The following NLGN1 variants were observed in gnomAD, a reference collection of about 807,000 sequenced individuals.
NLGN1 encodes neuroligin 1.
In NLGN1, 12 loss-of-function variants were observed where a neutral mutation model predicts 65.5. That is an observed-to-expected ratio of 0.18 (90% CI 0.12 to 0.30). NLGN1 has a LOEUF of 0.30. Ranked by LOEUF, NLGN1 falls within the 10% of genes least tolerant of loss-of-function variation. NLGN1 has a pLI of 1.00. For missense variants in NLGN1, 750 were observed against 1,007.1 expected (o/e 0.74, Z 3.46); for synonymous variants, 350 against 359.5 (o/e 0.97, Z 0.30).
At chr3:173,509,695 A>G (rs1286448868) in intron 2 of NLGN1, among the ~76,000 whole-genome samples, 1 of 152,214 alleles carries the variant, frequency 6.6e-6, no homozygotes, top group African/African-American at 2.4e-5. Flanking sequence ...CTAGCAAACA[A>G]TAAGTCAGGA....
intron 4 of NLGN1, among the ~76,000 whole-genome samples, chr3:173,814,746 A>G (rs115205537): frequency 0.011 from 1,673 of 152,320 alleles, 22 homozygotes; most frequent in African/African-American, 0.039. Flanking sequence ...ATTGTGAAAA[A>G]TAAGATATAT....
intron 4 of NLGN1, chr3:173,910,756 A>C (rs889633304): frequency 6.6e-6 from 1 of 152,210 alleles, no homozygotes; most frequent in Non-Finnish European, 1.5e-5. Context: ...AAAAATCTCC[A>C]TTTGGAGTGA....
intron 1 of NLGN1, among the ~76,000 whole-genome samples, chr3:173,429,537 T>G (rs1372075413): frequency 2.0e-5 from 3 of 152,164 alleles, no homozygotes; most frequent in Admixed American, 1.3e-4. Flanking sequence ...GCTACCTGTT[T>G]GCTTTTGTTT....
At chr3:173,523,355 C>A (rs762208037) in intron 2 of NLGN1, among the ~76,000 whole-genome samples, 8 of 151,448 alleles carry the variant, frequency 5.3e-5, no homozygotes, top group Admixed American at 6.6e-5. Context: ...AAGAGTTTTC[C>A]GAGCTTTTCT....
chr3:173,947,554 C>T (rs1747429398), intron 4 of NLGN1, among the ~76,000 whole-genome samples: 1 of 152,166 alleles, frequency 6.6e-6, no homozygotes, highest in African/African-American at 2.4e-5. Context: ...ACGCTTTTCT[C>T]ATAACGTGCT....
At position 173,587,199 on chromosome 3, in the gene NLGN1, A is replaced by G. The variant is rs574476753; in HGVS notation, c.-320-17080A>G. On this transcript the variant is annotated intron_variant, in intron 2 of 6. Coordinates refer to ENST00000457714, the Ensembl canonical transcript of NLGN1. ...TGCCTTTGTAGTGCCTGGAAAATAC[A>G]TTTCTGTCAGAATAAACAATACTTT... Among the ~76,000 whole-genome samples the G allele has an allele frequency of 1.3e-4, 20 of 152,300 alleles. No homozygotes were observed. In the South Asian group the frequency reaches 3.7e-3, roughly 28 times the overall value.
intron 4 of NLGN1, among the ~76,000 whole-genome samples, chr3:174,174,109 G>C (rs889134796): frequency 2.0e-5 from 3 of 151,850 alleles, no homozygotes; most frequent in Non-Finnish European, 4.4e-5. Flanking sequence ...ACTTCACTTA[G>C]AATAATAGTC....
intron 2 of NLGN1, among the ~76,000 whole-genome samples, chr3:173,563,143 C>G (rs775743914): frequency 3.3e-5 from 5 of 152,160 alleles, no homozygotes; most frequent in Non-Finnish European, 4.4e-5. Context: ...ATACATTTTT[C>G]TTATGAATTC....
chr3:173,406,980 T>C (rs143292154), intron 1 of NLGN1, among the ~76,000 whole-genome samples: 63 of 152,302 alleles, frequency 4.1e-4, no homozygotes, highest in African/African-American at 1.4e-3. Context: ...ATCAAAAACA[T>C]GATACAGTAT....
intron 2 of NLGN1, among the ~76,000 whole-genome samples, chr3:173,587,838 AC>A (rs1747760526): frequency 6.6e-6 from 1 of 152,138 alleles, no homozygotes; most frequent in Non-Finnish European, 1.5e-5. Flanking sequence ...TCCCTCAAAA[AC>A]CTTTTATGTG....
chr3:173,980,864 A>T (rs1718629130), intron 4 of NLGN1, among the ~76,000 whole-genome samples: 1 of 152,172 alleles, frequency 6.6e-6, no homozygotes, highest in African/African-American at 2.4e-5. Context: ...AATATTAGTT[A>T]TATCTTATCC....
chr3:173,511,823 A>G (rs1410878028), intron 2 of NLGN1, among the ~76,000 whole-genome samples: 3 of 152,090 alleles, frequency 2.0e-5, no homozygotes, highest in African/African-American at 7.2e-5. Context: ...CTCTGCTTAC[A>G]TTATCCATCT....
Position 174,280,814 on chromosome 3 carries a change from A to G in NLGN1, c.1983A>G (p.Gln661=). 3 of 1,613,382 alleles carry G rather than the reference A, an allele frequency of 1.9e-6. No homozygotes were observed. Among genetic ancestry groups the G allele is most frequent in the Non-Finnish European group, 2.5e-6 (3 of 1,179,582 alleles). ...CCAAGCAGGATGATCCCAAACAACA[A>G]CCAAGTCCATTTTCAGTGGATCAAA... The change falls in exon 7 of 7, where the codon CAA becomes CAG. Residue 661 remains glutamine (Q), a synonymous_variant. Transcript: ENST00000457714. This position sits in a 1 kb window ranked among gnomAD's most constrained non-coding sequence, Gnocchi z 4.9.
intron 4 of NLGN1, among the ~76,000 whole-genome samples, chr3:174,065,389 T>C (rs1400298371): frequency 6.6e-6 from 1 of 152,162 alleles, no homozygotes; most frequent in Non-Finnish European, 1.5e-5. Context: ...TCATTCACTC[T>C]TTGTCAATTA....
chr3:173,711,114 G>T (rs1194798825), intron 3 of NLGN1, among the ~76,000 whole-genome samples: 4 of 152,104 alleles, frequency 2.6e-5, no homozygotes, highest in African/African-American at 9.7e-5. Context: ...AAACAGAAAA[G>T]ACATAAAATC....
chr3:173,837,129 C>G (rs1723776380), intron 4 of NLGN1, among the ~76,000 whole-genome samples: 1 of 151,992 alleles, frequency 6.6e-6, no homozygotes, highest in South Asian at 2.1e-4. Context: ...GTTGAAGAAA[C>G]AATTTTCTTC....
chr3:174,163,742 G>C (rs147770450), intron 4 of NLGN1, among the ~76,000 whole-genome samples: 2 of 151,888 alleles, frequency 1.3e-5, no homozygotes, highest in African/African-American at 2.4e-5. Flanking sequence ...CTGCTTCAAC[G>C]TTGCTGCAAA....
chr3:174,241,207 T>C (rs1249774757), intron 4 of NLGN1, among the ~76,000 whole-genome samples: 1 of 152,190 alleles, frequency 6.6e-6, no homozygotes, highest in African/African-American at 2.4e-5. Flanking sequence ...AATTTTATTA[T>C]AACTCTCTGT....
chr3:173,524,543 G>A lies in NLGN1; in HGVS notation c.-320-79736G>A, dbSNP rs116770786. ...TACTTGGCTTCTCTTTTCTAATCAGGATGTCTTTTATTTCTTTCTCTTGCC... is the reference window on the plus strand; with the variant it reads ...TACTTGGCTTCTCTTTTCTAATCAGAATGTCTTTTATTTCTTTCTCTTGCC... On this transcript the variant is annotated intron_variant, in intron 2 of 6. Coordinates refer to ENST00000457714, the Ensembl canonical transcript of NLGN1. 4.7e-3 allele frequency among the ~76,000 whole-genome samples: 713 copies of A among 152,212 alleles called. 7 individuals are homozygous for A. The highest frequency in any genetic ancestry group is 0.016 in the African/African-American group (671 of 41,530).
Sources: gnomAD v4.1 joint callset for allele counts (sites outside exome capture counted in the v4.1 genomes callset) on GRCh38, gnomAD v4.1.1 for gene constraint, Gnocchi (gnomAD v3.1) non-coding constraint, MANE v1.5 for transcripts, NCBI Gene and HGNC (gene_info 2026-07-23, HGNC 2026-07-21) for gene names.